EEF1E1: variants seen among roughly 807,000 people sequenced by gnomAD.
The protein encoded by EEF1E1 is eukaryotic translation elongation factor 1 epsilon 1, also known as eukaryotic translation elongation factor 1 epsilon-1.
EEF1E1 carries 19 observed loss-of-function variants against 19.9 expected under a neutral mutation model. The ratio of observed to expected loss-of-function variants is 0.95; its 90% CI spans 0.66 to 1.40. The LOEUF (loss-of-function observed/expected upper bound fraction) is 1.40. Among genes scored for constraint, EEF1E1 ranks in the 40% most tolerant of loss-of-function variants. The probability of loss-of-function intolerance (pLI) is 0.00; values close to 1 mark genes in which losing one functional copy is unlikely to be tolerated. For missense variants in EEF1E1, 198 were observed against 202.2 expected (o/e 0.98, Z 0.13); for synonymous variants, 81 against 80.0 (o/e 1.01, Z -0.07).
chr6:8,079,223 G>A (rs1455232936), downstream of EEF1E1, among the ~76,000 whole-genome samples: 2 of 152,076 alleles, frequency 1.3e-5, no homozygotes, highest in Admixed American at 6.5e-5. Context: ...CCTTACAGGA[G>A]GAAGAATTTC....
chr6:8,079,196 CTCT>C (rs1390102437), downstream of EEF1E1, among the ~76,000 whole-genome samples: 2 of 152,176 alleles, frequency 1.3e-5, no homozygotes, highest in African/African-American at 4.8e-5. Context: ...ACTTTCCCAT[CTCT>C]TTTTTATTTT....
chr6:8,076,278 C>A (rs965475238), downstream of EEF1E1, among the ~76,000 whole-genome samples: 1 of 152,178 alleles, frequency 6.6e-6, no homozygotes, highest in African/African-American at 2.4e-5. Flanking sequence ...AAATCACTAT[C>A]TATGGCAGCT....
At chr6:8,094,628 G>C (rs1758115325) in intron 2 of EEF1E1, among the ~76,000 whole-genome samples, 1 of 151,602 alleles carries the variant, frequency 6.6e-6, no homozygotes, top group South Asian at 2.1e-4. Context: ...CAAGTATTTA[G>C]CAACAATCTA....
chr6:8,088,233 T>G (rs1254281567), intron 3 of EEF1E1, among the ~76,000 whole-genome samples: 3 of 151,890 alleles, frequency 2.0e-5, no homozygotes, highest in Admixed American at 2.0e-4. Flanking sequence ...AGACTGATCA[T>G]GTAGGTAGTG....
At chr6:8,099,765 C>CAT (rs1403852996) in intron 1 of EEF1E1, among the ~76,000 whole-genome samples, 2 of 87,636 alleles carry the variant, frequency 2.3e-5, no homozygotes, top group African/African-American at 1.0e-4. Context: ...CACACACACA[C>CAT]ACACACACAC....
downstream of EEF1E1, among the ~76,000 whole-genome samples, chr6:8,076,409 C>T (rs536168231): frequency 1.3e-5 from 2 of 152,146 alleles, no homozygotes; most frequent in Admixed American, 6.5e-5. Flanking sequence ...CTGCAAGCTC[C>T]GCCTCCCGGG....
intron 3 of EEF1E1, 120 bp from the exon 4 acceptor site, chr6:8,080,150 CA>C (rs1757691668): frequency 2.8e-6 from 3 of 1,055,196 alleles, no homozygotes; most frequent in African/African-American, 3.2e-5. Context: ...CAAGAGCTCT[CA>C]AAAGCCAACA....
downstream of EEF1E1, among the ~76,000 whole-genome samples, chr6:8,074,916 G>A (rs535015503): frequency 1.1e-4 from 16 of 152,304 alleles, no homozygotes; most frequent in African/African-American, 3.6e-4. Context: ...AGGAAGAAGC[G>A]GGAAGAGGGG....
intron 1 of EEF1E1, among the ~76,000 whole-genome samples, chr6:8,101,327 CCATATATATTATATTTATACTA>C (rs1245281785): frequency 3.0e-5 from 4 of 133,978 alleles, no homozygotes; most frequent in Non-Finnish European, 4.6e-5. Context: ...GTCCACTCGG[CCATATATATTATATTTATACTA>C]CATATATATT....
At chr6:8,091,835 G>A (rs1413871895) in intron 2 of EEF1E1, among the ~76,000 whole-genome samples, 2 of 152,324 alleles carry the variant, frequency 1.3e-5, no homozygotes, top group Non-Finnish European at 2.9e-5. Flanking sequence ...TATTCTAGAA[G>A]AATTCCTTAA....
intron 3 of EEF1E1, among the ~76,000 whole-genome samples, chr6:8,085,251 G>T (rs556490270): frequency 1.3e-5 from 2 of 152,066 alleles, no homozygotes; most frequent in African/African-American, 4.8e-5. Context: ...GGGCTCAGAA[G>T]ATCCTCCTAC....
rs574605774 is a variant in EEF1E1 at position 8,080,714 on chromosome 6, T to C, written c.385-684A>G. On this transcript the variant is annotated intron_variant, in intron 3 of 3. Coordinates refer to ENST00000379715, the MANE Select transcript of EEF1E1 (RefSeq NM_004280.5). ...TTCTCTAAGATAAACTTTAGAATTA[T>C]TGAGAGTTATCAGGTAAAGAGAAAA... Among the ~76,000 whole-genome samples, 274 of 152,354 alleles carry C rather than the reference T, an allele frequency of 1.8e-3. 3 individuals are homozygous for C. Among genetic ancestry groups the C allele is most frequent in the African/African-American group, 6.3e-3 (261 of 41,572 alleles).
At chr6:8,079,275 A>G (rs184646032), downstream of EEF1E1, 18 of 446,834 alleles carry the variant, frequency 4.0e-5, no homozygotes, top group African/African-American at 3.6e-4. Flanking sequence ...AAGCCCAACA[A>G]CAAAAAAGAA....
intron 1 of EEF1E1, among the ~76,000 whole-genome samples, chr6:8,099,893 T>C (rs1029519156): frequency 2.0e-5 from 3 of 152,168 alleles, no homozygotes; most frequent in Non-Finnish European, 4.4e-5. Flanking sequence ...CGTGACTGTA[T>C]GTCAATGTGT....
chr6:8,079,361 T>G, downstream of EEF1E1: 1 of 973,310 alleles, frequency 1.0e-6, no homozygotes, highest in Non-Finnish European at 1.2e-6. Context: ...CCCCAATGAG[T>G]ACTGACTACA....
rs9505354 is a variant in EEF1E1 at position 8,073,425 on chromosome 6, T to C, written c.*50A>G. ...TTACAGGTAAGTTTGAGCCAGACATTTGTGTTTGAATCTCAGTTCCTTGAT... is the reference window on the plus strand; with the variant it reads ...TTACAGGTAAGTTTGAGCCAGACATCTGTGTTTGAATCTCAGTTCCTTGAT... On this transcript the variant is annotated 3_prime_UTR_variant, in exon 4 of 4. Coordinates refer to the EEF1E1 transcript ENST00000429723. 7.7e-3 allele frequency: 11,887 copies of C among 1,550,360 alleles called. 751 individuals carry two copies. In the African/African-American group the frequency reaches 0.14, roughly 18 times the overall value.
At chr6:8,076,862 G>C (rs1757603352), downstream of EEF1E1, among the ~76,000 whole-genome samples, 1 of 152,062 alleles carries the variant, frequency 6.6e-6, no homozygotes, top group Non-Finnish European at 1.5e-5. Context: ...ACTGTAAACA[G>C]ATGTGCTGTC....
intron 3 of EEF1E1, among the ~76,000 whole-genome samples, chr6:8,074,114 C>T (rs943147655): frequency 2.0e-5 from 3 of 152,162 alleles, no homozygotes; most frequent in African/African-American, 7.2e-5. Flanking sequence ...GACTTGATGT[C>T]TGGAGTTCTG....
chr6:8,087,689 T>C (rs1263867326), intron 3 of EEF1E1, among the ~76,000 whole-genome samples: 2 of 152,158 alleles, frequency 1.3e-5, no homozygotes, highest in Non-Finnish European at 2.9e-5. Flanking sequence ...GACACGGTCA[T>C]GAGAAAGACT....
Sources: gnomAD v4.1 joint callset for allele counts (sites outside exome capture counted in the v4.1 genomes callset) on GRCh38, gnomAD v4.1.1 for gene constraint, MANE v1.5 for transcripts, NCBI Gene and HGNC (gene_info 2026-07-23, HGNC 2026-07-21) for gene names.